PIGF: variants seen among roughly 807,000 people sequenced by gnomAD.
PIGF encodes GPI ethanolamine phosphate transferase, stabilizing subunit.
In PIGF, 23 loss-of-function variants were observed where a neutral mutation model predicts 26.0. That is an observed-to-expected ratio of 0.88 (90% CI 0.64 to 1.25). PIGF has a LOEUF of 1.25. PIGF is among the 50% of genes most tolerant of loss of function. The pLI is 0.00. For synonymous variants in PIGF, 93 were observed against 92.6 expected (o/e 1.00, Z -0.03); for missense variants, 278 against 249.9 (o/e 1.11, Z -0.76).
rs867983880 is a variant in PIGF at position 46,581,952 on chromosome 2, T to C, written c.547-361A>G. On this transcript the variant is annotated intron_variant, in intron 5 of 5. Coordinates refer to ENST00000281382, the MANE Select transcript of PIGF (RefSeq NM_002643.4). ...TTTTTTTTTTAATTCCCACTTTGGC[T>C]GTGTACATCAAATGAAATGAGAAGT... 8 of 186,882 alleles carry C rather than the reference T, an allele frequency of 4.3e-5. No individual in the cohort carries two copies. The Middle Eastern group carries it at 0.012, about 282-fold the overall frequency. The allele number at this position is 186,882 out of a possible 1,614,324, so 11.6% of individuals were successfully genotyped here.
chr2:46,600,724 A>G (rs186199088), intron 4 of PIGF, among the ~76,000 whole-genome samples: 2 of 152,296 alleles, frequency 1.3e-5, no homozygotes, highest in African/African-American at 4.8e-5. Flanking sequence ...GTTATGTGAC[A>G]TAATCAGTTT....
At chr2:46,590,250 C>T (rs892014043) in intron 5 of PIGF, among the ~76,000 whole-genome samples, 1 of 152,020 alleles carries the variant, frequency 6.6e-6, no homozygotes, top group East Asian at 1.9e-4. Context: ...AAAAGTAATA[C>T]CATCAATTTG....
chr2:46,607,296 A>G (rs546581111), intron 4 of PIGF, among the ~76,000 whole-genome samples: 3 of 152,332 alleles, frequency 2.0e-5, no homozygotes, highest in Admixed American at 6.5e-5. Context: ...AACCCTTCTC[A>G]TGTCTATTTC....
chr2:46,599,626 A>T (rs1365050679), intron 4 of PIGF, among the ~76,000 whole-genome samples: 2 of 151,916 alleles, frequency 1.3e-5, no homozygotes, highest in African/African-American at 4.8e-5. Context: ...TTCTCAATTT[A>T]TTTCACTAAT....
intron 4 of PIGF, among the ~76,000 whole-genome samples, chr2:46,607,685 G>A (rs1670267973): frequency 6.6e-6 from 1 of 151,786 alleles, no homozygotes; most frequent in African/African-American, 2.4e-5. Context: ...TGGGGAGGCT[G>A]TGGAAATTTC....
At chr2:46,610,312 A>G (rs983839804) in intron 4 of PIGF, among the ~76,000 whole-genome samples, 6 of 152,212 alleles carry the variant, frequency 3.9e-5, no homozygotes, top group African/African-American at 1.4e-4. Flanking sequence ...TATTAGACAT[A>G]GACTTGAAAA....
chr2:46,616,492 A>C (rs1531133), intron 1 of PIGF: 1 of 152,406 alleles, frequency 6.6e-6, no homozygotes. Context: ...AACCAGAGTA[A>C]GCAAAGAGGG....
At chr2:46,597,299 T>C (rs1034519317) in intron 4 of PIGF, among the ~76,000 whole-genome samples, 1 of 152,198 alleles carries the variant, frequency 6.6e-6, no homozygotes, top group East Asian at 1.9e-4. Flanking sequence ...CCTCCTTCCA[T>C]AGATTCCTGA....
intron 5 of PIGF, 30 bp from the exon 6 acceptor site, chr2:46,581,621 G>T: frequency 6.2e-7 from 1 of 1,602,180 alleles, no homozygotes; most frequent in Non-Finnish European, 8.5e-7. Flanking sequence ...GATCAAAAAA[G>T]AACAAATGTT....
At chr2:46,582,482 T>C (rs1057899) in intron 5 of PIGF, 25,336 of 152,196 alleles carry the variant, frequency 0.17, 3,396 homozygotes, top group African/African-American at 0.37. Context: ...TTATTGCATA[T>C]GCCATGCATC....
At position 46,600,868 on chromosome 2, in the gene PIGF, A is replaced by C. The variant is rs1670034823; in HGVS notation, c.438-8285T>G. 2.0e-5 allele frequency among the ~76,000 whole-genome samples: 3 copies of C among 152,068 alleles called. No individual in the cohort carries two copies. In the South Asian group the frequency reaches 6.2e-4, roughly 31 times the overall value. On this transcript the variant is annotated intron_variant, in intron 4 of 5. Transcript: ENST00000281382. ...ATGTTCATAACACATTAGTGGGAAA[A>C]AAGTTATAAAGCCATGACTAGTTTA...
chr2:46,599,608 C>T (rs901263886), intron 4 of PIGF, among the ~76,000 whole-genome samples: 1 of 152,158 alleles, frequency 6.6e-6, no homozygotes, highest in African/African-American at 2.4e-5. Flanking sequence ...GTAATAGTGA[C>T]CTTTGCATTC....
intron 4 of PIGF, among the ~76,000 whole-genome samples, chr2:46,610,184 C>A (rs1670366772): frequency 6.6e-6 from 1 of 152,200 alleles, no homozygotes; most frequent in South Asian, 2.1e-4. Flanking sequence ...TTCCCATAAG[C>A]TCTGTGGTTT....
chr2:46,587,478 C>T (rs1572767664), intron 5 of PIGF, among the ~76,000 whole-genome samples: 2 of 151,310 alleles, frequency 1.3e-5, no homozygotes, highest in East Asian at 3.9e-4. Flanking sequence ...TACAACAATG[C>T]CTCATTTATC....
chr2:46,607,744 G>T (rs1670270437), intron 4 of PIGF, among the ~76,000 whole-genome samples: 2 of 151,992 alleles, frequency 1.3e-5, no homozygotes, highest in Admixed American at 1.3e-4. Flanking sequence ...GCCCAGGCTG[G>T]AGTGCAGTGG....
intron 5 of PIGF, chr2:46,591,730 A>C (rs750088099): frequency 7.0e-6 from 8 of 1,143,580 alleles, no homozygotes; most frequent in Non-Finnish European, 8.8e-6. Flanking sequence ...AAGTTCAGTG[A>C]CCTTGGGAAT....
chr2:46,596,663 T>TAA (rs565826904), intron 4 of PIGF, among the ~76,000 whole-genome samples: 3 of 146,624 alleles, frequency 2.0e-5, no homozygotes, highest in Non-Finnish European at 3.0e-5. Flanking sequence ...TACCTCAAAT[T>TAA]AAAAAAAAAA....
intron 1 of PIGF, 56 bp downstream of exon 1, chr2:46,616,914 C>T (rs2104159901): frequency 7.5e-6 from 3 of 399,568 alleles, no homozygotes; most frequent in East Asian, 1.2e-4. Flanking sequence ...CGGCAATTCG[C>T]GGGGGTAGCT....
chr2:46,616,897 G>T, intron 1 of PIGF, 73 bp downstream of exon 1: 1 of 383,188 alleles, frequency 2.6e-6, no homozygotes, highest in Non-Finnish European at 4.8e-6. Context: ...AAGGCTCAGG[G>T]CTGCTTCGGC....
Sources: gnomAD v4.1 joint callset for allele counts (sites outside exome capture counted in the v4.1 genomes callset) on GRCh38, gnomAD v4.1.1 for gene constraint, MANE v1.5 for transcripts, NCBI Gene and HGNC (gene_info 2026-07-23, HGNC 2026-07-21) for gene names.